FBXL3: variants seen among roughly 807,000 people sequenced by gnomAD.
FBXL3 encodes the protein F-box and leucine rich repeat protein 3, also known as F-box/LRR-repeat protein 3.
FBXL3 carries 14 observed loss-of-function variants against 37.9 expected under a neutral mutation model. That is an observed-to-expected ratio of 0.37 (90% CI 0.24 to 0.58). The LOEUF is 0.58. Among genes scored for constraint, FBXL3 ranks in the 20% least tolerant of loss-of-function variants. The pLI is 0.74. For synonymous variants in FBXL3, 194 were observed against 180.1 expected (o/e 1.08, Z -0.62); for missense variants, 327 against 511.1 (o/e 0.64, Z 3.47).
chr13:77,011,151 C>A (rs1645423610), intron 4 of FBXL3, among the ~76,000 whole-genome samples: 2 of 151,568 alleles, frequency 1.3e-5, no homozygotes, highest in Admixed American at 6.6e-5. Flanking sequence ...ACCAGCCTGG[C>A]CAACACGGTG....
intron 2 of FBXL3, 129 bp downstream of exon 2, chr13:77,021,384 A>T (rs1179524810): frequency 1.6e-6 from 1 of 644,350 alleles, no homozygotes; most frequent in Non-Finnish European, 2.6e-6. Context: ...AAGGTATACA[A>T]TAATTCTAAA....
At chr13:77,015,188 A>G (rs377634994) in intron 4 of FBXL3, 5 of 336,308 alleles carry the variant, frequency 1.5e-5, no homozygotes, top group African/African-American at 6.4e-5. Flanking sequence ...AGCATGTGCT[A>G]TTCATAAATT....
rs777771581 is a variant in FBXL3 at position 77,021,868 on chromosome 13, C to T, written c.-1-7G>A. 35 of 1,572,206 alleles carry T rather than the reference C, an allele frequency of 2.2e-5. 1 individual carries two copies. In the Middle Eastern group the frequency reaches 4.2e-3, roughly 191 times the overall value. The stretch of plus-strand genomic sequence containing the variant: ...TCTTCCTCCTCGTTTCATCCTATTC[C>T]GAAAAATGCATCAGTTTTTTTCCTA... On this transcript the variant is annotated splice_region_variant and splice_polypyrimidine_tract_variant and intron_variant, in intron 1 of 4. Transcript: ENST00000355619.
chr13:77,011,137 C>A (rs549907703), intron 4 of FBXL3, among the ~76,000 whole-genome samples: 11 of 151,952 alleles, frequency 7.2e-5, no homozygotes, highest in African/African-American at 2.4e-4. Flanking sequence ...GTCAGAAGTT[C>A]GCGACCAGCC....
chr13:77,023,028 G>C (rs958578174), intron 1 of FBXL3, among the ~76,000 whole-genome samples: 3 of 152,210 alleles, frequency 2.0e-5, no homozygotes, highest in African/African-American at 7.2e-5. Flanking sequence ...GAACTGTTGA[G>C]ATATGACTGT....
chr13:77,006,863 C>G lies in FBXL3; in HGVS notation c.*282G>C, dbSNP rs1397237296. The stretch of plus-strand genomic sequence containing the variant: ...TATTATAACATATAGGTTTTGTTTC[C>G]TTTAGACTGTAAACTGTTTAATACG... On this transcript the variant is annotated 3_prime_UTR_variant, in exon 5 of 5. Transcript: ENST00000355619. 8.4e-7 allele frequency: 1 copy of G among 1,184,828 alleles called. No individual in the cohort carries two copies. Among genetic ancestry groups the G allele is most frequent in the Non-Finnish European group, 1.0e-6 (1 of 954,672 alleles). The allele number at this position is 1,184,828 out of a possible 1,614,324, so 73.4% of individuals were successfully genotyped here.
rs929761365 is a variant in FBXL3, at chr13:77,007,013, C to T, written c.*132G>A. 2.7e-5 allele frequency: 39 copies of T among 1,426,038 alleles called. No individual in the cohort carries two copies. The East Asian group carries it at 6.0e-4, about 22-fold the overall frequency. 88.3% of individuals were successfully genotyped at this position (1,426,038 alleles called of 1,614,324 possible). A position where few individuals can be genotyped will look rare whatever the true frequency, so the allele number is the denominator to read the frequency against. ...ATTCATGGGTCTTCCGATAAACAAT[C>T]TTTACATATACTGACTGAAGATATC... On this transcript the variant is annotated 3_prime_UTR_variant, in exon 5 of 5. Coordinates refer to ENST00000355619, the MANE Select transcript of FBXL3 (RefSeq NM_012158.4).
intron 4 of FBXL3, chr13:77,008,476 G>A (rs1364291173): frequency 2.0e-5 from 3 of 152,198 alleles, no homozygotes; most frequent in Non-Finnish European, 4.4e-5. Flanking sequence ...TACTTAGGGT[G>A]CCATGCTTTA....
Position 77,020,390 on chromosome 13 carries a change from C to A in FBXL3, c.348+1123G>T, listed in dbSNP as rs150485355. Among the ~76,000 whole-genome samples the A allele has an allele frequency of 2.2e-4, 33 of 152,260 alleles. No homozygotes were observed. The East Asian group carries it at 6.0e-3, about 28-fold the overall frequency. Reference sequence around the variant, plus strand: ...TGGGAAAAAAAAGGCAAAAACATATCCAACCATTCCCACCACCAATTCTCT... The same window carrying A: ...TGGGAAAAAAAAGGCAAAAACATATACAACCATTCCCACCACCAATTCTCT... On this transcript the variant is annotated intron_variant, in intron 2 of 4. Coordinates refer to ENST00000355619, the MANE Select transcript of FBXL3 (RefSeq NM_012158.4).
At chr13:77,021,317 T>A (rs1201461080) in intron 2 of FBXL3, among the ~76,000 whole-genome samples, 196 bp downstream of exon 2, 1 of 152,172 alleles carries the variant, frequency 6.6e-6, no homozygotes, top group Non-Finnish European at 1.5e-5. Context: ...TAAGAAATTA[T>A]TAATAATTAA....
rs145523101 is a variant in FBXL3 at position 77,006,100 on chromosome 13, T to G, written c.*1045A>C. 6.6e-6 allele frequency: 1 copy of G among 152,666 alleles called. No homozygotes were observed. Among genetic ancestry groups the G allele is most frequent in the East Asian group, 1.9e-4 (1 of 5,190 alleles). The allele number at this position is 152,666 out of a possible 1,614,324, so 9.5% of individuals were successfully genotyped here. A position where few individuals can be genotyped will look rare whatever the true frequency, so the allele number is the denominator to read the frequency against. On this transcript the variant is annotated 3_prime_UTR_variant, in exon 5 of 5. Transcript: ENST00000355619. Reference sequence around the variant, plus strand: ...AACTTAAATATGTCCTCTTTAAAATTTGCTGTTTATGCTAGACTGTACAAT... The same window carrying G: ...AACTTAAATATGTCCTCTTTAAAATGTGCTGTTTATGCTAGACTGTACAAT...
Position 77,015,483 on chromosome 13 carries a change from T to C in FBXL3, c.569A>G (p.Lys190Arg), listed in dbSNP as rs760932907. Residue 190 changes from lysine to arginine, a missense_variant, in exon 4 of 5, where the codon AAA becomes AGA. Transcript: ENST00000355619. ...ATCACTATTGTTGGCCACTAGTACT[T>C]TGAGAGATGGATCATCTACTGGAGT... ...DDTPVDDPSLKVLVANNSDTL... is the reference protein window; with the variant it reads ...DDTPVDDPSLRVLVANNSDTL... 1.9e-6 allele frequency: 3 copies of C among 1,608,636 alleles called. No individual in the cohort carries two copies. Among genetic ancestry groups the C allele is most frequent in the African/African-American group, 1.3e-5 (1 of 74,746 alleles).
chr13:77,026,731 C>A (rs1316262745), intron 1 of FBXL3, 96 bp downstream of exon 1: 5 of 128,826 alleles, frequency 3.9e-5, no homozygotes, highest in South Asian at 4.9e-4. Context: ...GCGCCCCCCC[C>A]CACCCCACCC....
intron 1 of FBXL3, among the ~76,000 whole-genome samples, chr13:77,023,424 T>G (rs73239424): frequency 0.02 from 3,119 of 152,160 alleles, 57 homozygotes; most frequent in Middle Eastern, 0.068. Flanking sequence ...ACCCTGGAAG[T>G]AGACTCACTG....
intron 3 of FBXL3, chr13:77,017,304 A>G (rs1004197718): frequency 6.6e-6 from 1 of 152,234 alleles, no homozygotes; most frequent in East Asian, 1.9e-4. Context: ...TGTTCAACAT[A>G]TCCTTTAATA....
rs2034459467 is a variant in FBXL3 at position 77,006,829 on chromosome 13, C to T, written c.*316G>A. The T allele has an allele frequency of 9.4e-7, 1 of 1,067,588 alleles. No individual in the cohort carries two copies. The highest frequency in any genetic ancestry group is 1.1e-6 in the Non-Finnish European group (1 of 879,576). The allele number at this position is 1,067,588 out of a possible 1,614,324, so 66.1% of individuals were successfully genotyped here. A position where few individuals can be genotyped will look rare whatever the true frequency, so the allele number is the denominator to read the frequency against. On this transcript the variant is annotated 3_prime_UTR_variant, in exon 5 of 5. Transcript: ENST00000355619. Reference sequence around the variant, plus strand: ...TAACATTTCAGAAAACCTATTAGTACTTCTTGGATATTATAACATATAGGT... The same window carrying T: ...TAACATTTCAGAAAACCTATTAGTATTTCTTGGATATTATAACATATAGGT...
Position 77,007,184 on chromosome 13 carries a change from A to C in FBXL3, c.1248T>G (p.Leu416=), listed in dbSNP as rs766971971. The C allele has an allele frequency of 2.1e-5, 34 of 1,612,010 alleles. No individual in the cohort carries two copies. The highest frequency in any genetic ancestry group is 2.6e-5 in the Non-Finnish European group (31 of 1,178,628). ...TCATGTCGGGAAACCACACCCTACC[A>C]AGATGCTTGGACACTTCCCAGTGAA... The part of the protein sequence containing the change: ...EQIHWEVSKH[L]GRVWFPDMMP... Residue 416 remains leucine (L), a synonymous_variant, in exon 5 of 5, where the codon CTT becomes CTG. Transcript: ENST00000355619.
In FBXL3 at chr13:77,006,866, T is replaced by C; in HGVS notation, c.*279A>G. 1 of 1,198,938 alleles carries C rather than the reference T, an allele frequency of 8.3e-7. No individual in the cohort carries two copies. Among genetic ancestry groups the C allele is most frequent in the Non-Finnish European group, 1.0e-6 (1 of 963,344 alleles). 74.3% of individuals were successfully genotyped at this position (1,198,938 alleles called of 1,614,324 possible). On this transcript the variant is annotated 3_prime_UTR_variant, in exon 5 of 5. Coordinates refer to ENST00000355619, the MANE Select transcript of FBXL3 (RefSeq NM_012158.4). ...TATAACATATAGGTTTTGTTTCCTT[T>C]AGACTGTAAACTGTTTAATACGTAT... is the stretch of plus-strand genomic sequence containing the variant.
In FBXL3 at chr13:77,006,100, TTGC is replaced by T. The variant is rs2034448096; in HGVS notation, c.*1042_*1044del. 1 of 152,548 alleles carries T rather than the reference TTGC, an allele frequency of 6.6e-6. No individual in the cohort carries two copies. The highest frequency in any genetic ancestry group is 2.4e-5 in the African/African-American group (1 of 41,440). 9.4% of individuals were successfully genotyped at this position (152,548 alleles called of 1,614,324 possible). ...AACTTAAATATGTCCTCTTTAAAAT[TTGC>T]TGTTTATGCTAGACTGTACAATGGT... On this transcript the variant is annotated 3_prime_UTR_variant, in exon 5 of 5. Coordinates refer to ENST00000355619, the MANE Select transcript of FBXL3 (RefSeq NM_012158.4).
Sources: gnomAD v4.1 joint callset for allele counts (sites outside exome capture counted in the v4.1 genomes callset) on GRCh38, gnomAD v4.1.1 for gene constraint, MANE v1.5 for transcripts, NCBI Gene and HGNC (gene_info 2026-07-23, HGNC 2026-07-21) for gene names.